Variants in GPC5 observed in about 807,000 individuals in gnomAD.
The protein encoded by GPC5 is glypican 5, also known as glypican-5.
In GPC5, 47 loss-of-function variants were observed where a neutral mutation model predicts 53.9. The observed-to-expected ratio is 0.87, with a 90% CI of 0.69 to 1.11. The LOEUF is 1.11. GPC5 is among the 50% of genes most tolerant of loss of function. The pLI is 0.00. For missense variants in GPC5, 748 were observed against 713.1 expected (o/e 1.05, Z -0.56); for synonymous variants, 286 against 263.3 (o/e 1.09, Z -0.84).
At chr13:92,440,424 G>A (rs1424480778) in intron 7 of GPC5, among the ~76,000 whole-genome samples, 1 of 152,080 alleles carries the variant, frequency 6.6e-6, no homozygotes, top group African/African-American at 2.4e-5. Flanking sequence ...TTGCTGCAAA[G>A]GCGTGATTTT....
Position 92,109,033 on chromosome 13 carries a change from C to T in GPC5, c.1402-35797C>T, listed in dbSNP as rs568518359. 9.4e-5 allele frequency among the ~76,000 whole-genome samples: 14 copies of T among 149,194 alleles called. 1 individual carries two copies. The highest frequency in any genetic ancestry group is 2.5e-4 in the African/African-American group (10 of 40,670). On this transcript the variant is annotated intron_variant, in intron 6 of 7. Coordinates refer to ENST00000377067, the MANE Select transcript of GPC5 (RefSeq NM_004466.6). Reference sequence around the variant, plus strand: ...TTGCTGCCTTGCTGTTTTCTTGTAGCGCCTTCTATGTATGTATCAATATGT... The same window carrying T: ...TTGCTGCCTTGCTGTTTTCTTGTAGTGCCTTCTATGTATGTATCAATATGT...
At chr13:92,190,280 G>T (rs947632326) in intron 7 of GPC5, among the ~76,000 whole-genome samples, 1 of 152,138 alleles carries the variant, frequency 6.6e-6, no homozygotes, top group African/African-American at 2.4e-5. Context: ...TAGACAAACA[G>T]AATTTTAGAG....
At chr13:92,628,390 C>A (rs769568850) in intron 7 of GPC5, among the ~76,000 whole-genome samples, 4 of 148,400 alleles carry the variant, frequency 2.7e-5, no homozygotes, top group Non-Finnish European at 5.9e-5. Flanking sequence ...ACTCTCCTGC[C>A]TCAGCCTGAA....
intron 6 of GPC5, among the ~76,000 whole-genome samples, chr13:91,944,733 TTC>T (rs2039959491): frequency 6.6e-6 from 1 of 152,198 alleles, no homozygotes; most frequent in African/African-American, 2.4e-5. Context: ...TGACTGAACT[TTC>T]TCCTGTGGTA....
chr13:92,663,903 T>TACACAC (rs1156502271), intron 7 of GPC5, among the ~76,000 whole-genome samples: 13 of 83,182 alleles, frequency 1.6e-4, no homozygotes, highest in African/African-American at 6.8e-4. Flanking sequence ...TATATATATA[T>TACACAC]ACACACACAC....
chr13:91,536,622 T>G (rs955495766), intron 2 of GPC5, among the ~76,000 whole-genome samples: 18 of 152,212 alleles, frequency 1.2e-4, no homozygotes, highest in African/African-American at 4.3e-4. Context: ...ACCTCCAGCA[T>G]CAGCTTGTGC....
intron 2 of GPC5, among the ~76,000 whole-genome samples, chr13:91,593,461 T>C (rs1172525912): frequency 1.3e-5 from 1 of 75,996 alleles, no homozygotes; most frequent in Non-Finnish European, 3.7e-5. Context: ...TGTAGTATGA[T>C]GTCTCTGGGC....
intron 6 of GPC5, among the ~76,000 whole-genome samples, chr13:92,105,871 C>T (rs572067498): frequency 1.4e-4 from 21 of 152,028 alleles, no homozygotes; most frequent in African/African-American, 3.9e-4. Flanking sequence ...AAATCTTTTT[C>T]GGGCTCTCAA....
intron 2 of GPC5, 104 bp downstream of exon 2, chr13:91,449,026 C>T: frequency 8.0e-7 from 1 of 1,248,110 alleles, no homozygotes; most frequent in Non-Finnish European, 1.1e-6. Flanking sequence ...CTTGTATTTA[C>T]ATAATATTCG....
chr13:91,628,508 C>CTA (rs3084145), intron 2 of GPC5, among the ~76,000 whole-genome samples: 2 of 123,058 alleles, frequency 1.6e-5, no homozygotes, highest in African/African-American at 9.7e-5. Context: ...CTGTCTATCT[C>CTA]TCTATCTATC....
At chr13:92,584,267 C>T (rs1883464970) in intron 7 of GPC5, among the ~76,000 whole-genome samples, 1 of 152,050 alleles carries the variant, frequency 6.6e-6, no homozygotes, top group Non-Finnish European at 1.5e-5. Context: ...TAACCAAAAG[C>T]CTGATAGTGA....
intron 6 of GPC5, among the ~76,000 whole-genome samples, chr13:92,034,558 G>A (rs965233664): frequency 2.0e-5 from 3 of 152,060 alleles, no homozygotes; most frequent in African/African-American, 7.2e-5. Flanking sequence ...GTTAATAAGA[G>A]AGTCATTTCT....
At chr13:91,612,389 A>G (rs1478139883) in intron 2 of GPC5, among the ~76,000 whole-genome samples, 1 of 152,214 alleles carries the variant, frequency 6.6e-6, no homozygotes, top group Non-Finnish European at 1.5e-5. Context: ...CAGGCACCTT[A>G]GATTTTGATA....
intron 5 of GPC5, among the ~76,000 whole-genome samples, chr13:91,894,566 G>A (rs935129682): frequency 1.3e-5 from 2 of 152,106 alleles, no homozygotes; most frequent in South Asian, 2.1e-4. Flanking sequence ...TAAATCTCTC[G>A]AGAGCAAAGA....
intron 7 of GPC5, among the ~76,000 whole-genome samples, chr13:92,593,766 CAAG>C (rs1165855618): frequency 6.6e-6 from 1 of 152,044 alleles, no homozygotes; most frequent in African/African-American, 2.4e-5. Context: ...GAAAGTGTTT[CAAG>C]AAGGAGACAA....
intron 7 of GPC5, among the ~76,000 whole-genome samples, chr13:92,389,096 A>G (rs1417386267): frequency 6.6e-6 from 1 of 152,106 alleles, no homozygotes; most frequent in Non-Finnish European, 1.5e-5. Context: ...ATAATGACAA[A>G]TAACACTGAT....
At chr13:92,376,788 G>A (rs540058442) in intron 7 of GPC5, among the ~76,000 whole-genome samples, 1 of 152,120 alleles carries the variant, frequency 6.6e-6, no homozygotes, top group South Asian at 2.1e-4. Context: ...AGATTAAGGC[G>A]GGCGGATCAC....
At chr13:92,748,311 T>TA (rs1555309005) in intron 7 of GPC5, among the ~76,000 whole-genome samples, 13 of 142,348 alleles carry the variant, frequency 9.1e-5, no homozygotes, top group Admixed American at 4.3e-4. Context: ...TGCATTTTAT[T>TA]TTATTATTAT....
chr13:92,804,936 T>C (rs1566426168), intron 7 of GPC5, among the ~76,000 whole-genome samples: 1 of 152,062 alleles, frequency 6.6e-6, no homozygotes. Flanking sequence ...TTCTCATCCA[T>C]ATGAAGCAGC....
Sources: allele counts gnomAD v4.1 joint callset (sites outside exome capture counted in the v4.1 genomes callset), GRCh38; gene constraint gnomAD v4.1.1; transcripts MANE v1.5; gene names NCBI Gene and HGNC (gene_info 2026-07-23, HGNC 2026-07-21).